Variants in PPM1B observed in about 807,000 individuals in gnomAD.
PPM1B encodes the protein protein phosphatase 1B.
In PPM1B, 22 loss-of-function variants were observed where a neutral mutation model predicts 43.0. That is an observed-to-expected ratio of 0.51 (90% CI 0.37 to 0.73). PPM1B has a LOEUF of 0.73. Ranked by LOEUF, PPM1B falls within the 30% of genes least tolerant of loss-of-function variation. The probability of loss-of-function intolerance (pLI) is 0.00; values close to 1 mark genes in which losing one functional copy is unlikely to be tolerated. For missense variants in PPM1B, 632 were observed against 584.2 expected (o/e 1.08, Z -0.84); for synonymous variants, 217 against 197.9 (o/e 1.10, Z -0.81).
chr2:44,245,138 A>G (rs1166852504), downstream of PPM1B, among the ~76,000 whole-genome samples: 2 of 152,278 alleles, frequency 1.3e-5, no homozygotes, highest in East Asian at 1.9e-4. Flanking sequence ...CTGCTTGCCC[A>G]TTTGAGAACA....
chr2:44,178,474 A>ATATATATATATATATATAT (rs1445760590), intron 1 of PPM1B, among the ~76,000 whole-genome samples: 2 of 135,318 alleles, frequency 1.5e-5, no homozygotes, highest in African/African-American at 5.5e-5. Context: ...ATATATATAT[A>ATATATATATATATATATAT]TTTTTTTTTT....
chr2:44,244,470 T>C, downstream of PPM1B: 1 of 960,384 alleles, frequency 1.0e-6, no homozygotes, highest in African/African-American at 1.8e-5. Flanking sequence ...AAAATCATAT[T>C]TTTTCCTGTC....
rs1322296676 is a variant in PPM1B, at chr2:44,230,495, A to G, written c.1217A>G (p.Asn406Ser). Residue 406 changes from asparagine to serine, a missense_variant, in exon 6 of 6, where the codon AAC becomes AGC. By Grantham distance (46) the Asn-to-Ser change is conservative. Around this residue, in one of 3 missense-constraint regions of PPM1B, gnomAD observed 392 missense variants for 302.7 expected, o/e 1.29. Transcript: ENST00000282412. ...CAAATGAGAATTAATCATAGGGGAA[A>G]CTACCGACAACTTCTGGAGGAGATG... ...LRQMRINHRG[N>S]YRQLLEEMLT... The G allele has an allele frequency of 1.9e-6, 3 of 1,613,998 alleles. No individual in the cohort carries two copies. Among genetic ancestry groups the G allele is most frequent in the Non-Finnish European group, 2.5e-6 (3 of 1,180,010 alleles).
chr2:44,188,527 G>T (rs532350634), intron 1 of PPM1B, among the ~76,000 whole-genome samples: 1 of 151,416 alleles, frequency 6.6e-6, no homozygotes, highest in East Asian at 1.9e-4. Context: ...TCCTGAATTG[G>T]CTGGGATCAC....
chr2:44,194,199 A>G (rs747476551), intron 1 of PPM1B, among the ~76,000 whole-genome samples: 3 of 150,720 alleles, frequency 2.0e-5, no homozygotes, highest in Non-Finnish European at 3.0e-5. Context: ...TCCTTTCAGT[A>G]TCTGGTAATC....
chr2:44,241,684 A>G, intron 5 of PPM1B, among the ~76,000 whole-genome samples: 1 of 113,014 alleles, frequency 8.8e-6, no homozygotes, highest in African/African-American at 2.7e-5. Context: ...GTGAGCTGAG[A>G]TCATGTCACT....
intron 3 of PPM1B, 74 bp from the exon 4 acceptor site, chr2:44,217,893 T>C: frequency 1.2e-6 from 1 of 836,116 alleles, no homozygotes; most frequent in Non-Finnish European, 1.8e-6. Flanking sequence ...TACCAAATAG[T>C]ATCTCTTGTT....
chr2:44,244,348 C>G (rs747119449), exon 6 of PPM1B: 1 of 1,358,242 alleles, frequency 7.4e-7, no homozygotes, highest in Non-Finnish European at 9.8e-7. Flanking sequence ...TTTTTGTAAA[C>G]CCGAACGAAA....
intron 5 of PPM1B, chr2:44,230,020 G>A: frequency 6.3e-7 from 1 of 1,591,702 alleles, no homozygotes. Context: ...CTGTTCTGAT[G>A]GCCTGCTTTT....
downstream of PPM1B, among the ~76,000 whole-genome samples, chr2:44,231,997 A>G (rs1670482753): frequency 6.6e-6 from 1 of 152,194 alleles, no homozygotes; most frequent in African/African-American, 2.4e-5. Flanking sequence ...AGTTACCATA[A>G]ATTGAAACTT....
At chr2:44,238,449 C>A (rs766467418), downstream of PPM1B, among the ~76,000 whole-genome samples, 8 of 152,078 alleles carry the variant, frequency 5.3e-5, no homozygotes, top group Non-Finnish European at 8.8e-5. Context: ...CGCCTGTAAT[C>A]CCAGCAGTTT....
At chr2:44,175,786 T>A (rs905446342) in intron 1 of PPM1B, among the ~76,000 whole-genome samples, 3 of 68,226 alleles carry the variant, frequency 4.4e-5, no homozygotes, top group African/African-American at 1.3e-4. Flanking sequence ...TGGTTTGAGA[T>A]TTTTTTTTTT....
chr2:44,244,599 A>G (rs1280155955), downstream of PPM1B, among the ~76,000 whole-genome samples: 1 of 151,966 alleles, frequency 6.6e-6, no homozygotes, highest in Non-Finnish European at 1.5e-5. Flanking sequence ...CACCATTTAA[A>G]TCGGAAGTTA....
In PPM1B at chr2:44,201,784, A is replaced by G; in HGVS notation, c.585A>G (p.Ser195=). 3.1e-6 allele frequency: 5 copies of G among 1,614,236 alleles called. No homozygotes were observed. The highest frequency in any genetic ancestry group is 4.2e-6 in the Non-Finnish European group (5 of 1,180,038). The change falls in exon 2 of 6, where the codon TCA becomes TCG. Residue 195 remains serine, a synonymous_variant. Transcript: ENST00000282412. This position sits in a 1 kb window ranked among gnomAD's most constrained non-coding sequence, Gnocchi z 5.4. The part of the protein sequence containing the change: ...GSVMIQRVNG[S]LAVSRALGDY... The stretch of plus-strand genomic sequence containing the variant: ...TGATGATACAACGTGTTAATGGTTC[A>G]TTAGCAGTATCTCGTGCTCTGGGGG...
chr2:44,196,675 C>T (rs112949378), intron 1 of PPM1B, among the ~76,000 whole-genome samples: 536 of 152,250 alleles, frequency 3.5e-3, no homozygotes, highest in African/African-American at 0.012. Flanking sequence ...CATTCATTTA[C>T]GTATTCAGTC....
downstream of PPM1B, among the ~76,000 whole-genome samples, chr2:44,238,998 A>G (rs1450231117): frequency 6.6e-6 from 1 of 151,850 alleles, no homozygotes; most frequent in African/African-American, 2.4e-5. Context: ...AGGGAGAGAG[A>G]GAGGAGGAAA....
intron 1 of PPM1B, among the ~76,000 whole-genome samples, chr2:44,195,452 C>A (rs1312964791): frequency 6.6e-6 from 1 of 152,006 alleles, no homozygotes; most frequent in African/African-American, 2.4e-5. Flanking sequence ...CTCCAGTGAT[C>A]CTCCCAGCTA....
chr2:44,227,536 G>A (rs1348714988), intron 5 of PPM1B, among the ~76,000 whole-genome samples: 30 of 119,240 alleles, frequency 2.5e-4, no homozygotes, highest in African/African-American at 8.4e-4. Context: ...TTTTTTTTTG[G>A]AGATGGAGTC....
chr2:44,229,670 A>T (rs1248423627), intron 5 of PPM1B, among the ~76,000 whole-genome samples: 2 of 152,210 alleles, frequency 1.3e-5, no homozygotes, highest in African/African-American at 2.4e-5. Context: ...GCATCATATC[A>T]AGAGGCACAT....
Sources: allele counts gnomAD v4.1 joint callset (sites outside exome capture counted in the v4.1 genomes callset), GRCh38; gene constraint gnomAD v4.1.1; regional missense constraint gnomAD v4.1.1; non-coding constraint Gnocchi (gnomAD v3.1); transcripts MANE v1.5; gene names NCBI Gene and HGNC (gene_info 2026-07-23, HGNC 2026-07-21).